Variants in RIT2 observed in about 807,000 individuals in gnomAD.
RIT2 encodes GTP-binding protein Rit2.
A neutral mutation model predicts 23.7 loss-of-function variants in RIT2; 24 were observed. The ratio of observed to expected loss-of-function variants is 1.01; its 90% CI spans 0.73 to 1.43. The LOEUF (loss-of-function observed/expected upper bound fraction) is 1.43. RIT2 is among the 40% of genes most tolerant of loss of function. The pLI is 0.00. For synonymous variants in RIT2, 107 were observed against 91.1 expected, an observed-to-expected ratio of 1.17 and a Z score of -0.99; for missense variants, 236 against 266.9, an observed-to-expected ratio of 0.88 and a Z score of 0.81.
At chr18:42,746,873 C>T (rs2143875774) in intron 4 of RIT2, among the ~76,000 whole-genome samples, 1 of 152,148 alleles carries the variant, frequency 6.6e-6, no homozygotes, top group South Asian at 2.1e-4. Context: ...TTAAAACCCT[C>T]AGAAAAATTG....
intron 2 of RIT2, among the ~76,000 whole-genome samples, chr18:43,016,598 C>T (rs1307902755): frequency 6.6e-6 from 1 of 151,578 alleles, no homozygotes; most frequent in Non-Finnish European, 1.5e-5. Context: ...ATAAGCACAC[C>T]AACTCTAAAT....
chr18:43,101,083 T>C (rs1417187720), intron 1 of RIT2, among the ~76,000 whole-genome samples: 1 of 151,996 alleles, frequency 6.6e-6, no homozygotes, highest in Admixed American at 6.6e-5. Context: ...ATATAAATTC[T>C]AACACGATTC....
chr18:42,837,631 A>G (rs956690290), intron 4 of RIT2, among the ~76,000 whole-genome samples: 5 of 152,160 alleles, frequency 3.3e-5, no homozygotes, highest in African/African-American at 1.2e-4. Flanking sequence ...TTCTCCAATA[A>G]CACAGTTCTT....
intron 4 of RIT2, among the ~76,000 whole-genome samples, chr18:42,887,529 G>A (rs1908054415): frequency 6.6e-6 from 1 of 152,108 alleles, no homozygotes; most frequent in Admixed American, 6.6e-5. Flanking sequence ...GCAGCAACGG[G>A]AATTCTCCTT....
At chr18:43,020,126 AG>A (rs1309927644) in intron 2 of RIT2, among the ~76,000 whole-genome samples, 1 of 152,134 alleles carries the variant, frequency 6.6e-6, no homozygotes, top group Non-Finnish European at 1.5e-5. Context: ...AGCTATCTAC[AG>A]ATTCAATGCA....
At chr18:42,882,044 G>T (rs573326688) in intron 4 of RIT2, among the ~76,000 whole-genome samples, 1 of 152,124 alleles carries the variant, frequency 6.6e-6, no homozygotes, top group Non-Finnish European at 1.5e-5. Context: ...TTTCAAAGTA[G>T]CCTCTGGTTA....
intron 4 of RIT2, among the ~76,000 whole-genome samples, chr18:42,805,319 G>C (rs1385521667): frequency 6.6e-6 from 1 of 152,094 alleles, no homozygotes; most frequent in Non-Finnish European, 1.5e-5. Flanking sequence ...GAGAATTGGA[G>C]CCTGATTACC....
chr18:43,024,301 T>C (rs1911660740), intron 2 of RIT2, among the ~76,000 whole-genome samples: 1 of 151,972 alleles, frequency 6.6e-6, no homozygotes. Context: ...AAACATACAC[T>C]GGAGAAAGGA....
At chr18:42,801,450 C>T (rs1461246974) in intron 4 of RIT2, among the ~76,000 whole-genome samples, 1 of 152,110 alleles carries the variant, frequency 6.6e-6, no homozygotes, top group African/African-American at 2.4e-5. Context: ...CTGGAAATAC[C>T]CTGGGAATAA....
intron 1 of RIT2, among the ~76,000 whole-genome samples, chr18:43,077,848 A>AT (rs889040701): frequency 6.6e-6 from 1 of 152,130 alleles, no homozygotes; most frequent in African/African-American, 2.4e-5. Context: ...AGTATGTAGC[A>AT]TTTTTTTAGG....
intron 2 of RIT2, among the ~76,000 whole-genome samples, chr18:43,021,205 A>G (rs1351114048): frequency 6.6e-6 from 1 of 152,144 alleles, no homozygotes; most frequent in Non-Finnish European, 1.5e-5. Context: ...TAATAATTTC[A>G]TTAACAAATG....
intron 1 of RIT2, among the ~76,000 whole-genome samples, chr18:43,067,611 T>C (rs1361907922): frequency 6.6e-6 from 1 of 152,204 alleles, no homozygotes; most frequent in Non-Finnish European, 1.5e-5. Context: ...TTATTATCAA[T>C]AGAAAGGAAT....
chr18:42,819,944 G>T (rs1906101608), intron 4 of RIT2, among the ~76,000 whole-genome samples: 1 of 152,078 alleles, frequency 6.6e-6, no homozygotes, highest in Non-Finnish European at 1.5e-5. Flanking sequence ...TAAAAGGCCA[G>T]AGCATTTGCA....
intron 4 of RIT2, among the ~76,000 whole-genome samples, chr18:42,830,025 A>G (rs1230814912): frequency 4.6e-5 from 7 of 152,150 alleles, no homozygotes; most frequent in Non-Finnish European, 8.8e-5. Flanking sequence ...GATGAGGAAA[A>G]TAGAGGAATA....
chr18:42,882,949 A>T (rs955957301), intron 4 of RIT2, among the ~76,000 whole-genome samples: 4 of 152,216 alleles, frequency 2.6e-5, no homozygotes, highest in Admixed American at 2.6e-4. Flanking sequence ...AGCATATGTG[A>T]TCATATATTC....
chr18:42,886,224 T>C (rs1333261901), intron 4 of RIT2, among the ~76,000 whole-genome samples: 5 of 152,240 alleles, frequency 3.3e-5, no homozygotes, highest in South Asian at 2.1e-4. Flanking sequence ...ATTTGCTTCC[T>C]ATCAAAAGCA....
intron 1 of RIT2, among the ~76,000 whole-genome samples, chr18:43,065,407 T>G (rs1912749601): frequency 6.6e-6 from 1 of 152,020 alleles, no homozygotes; most frequent in South Asian, 2.1e-4. Context: ...TCATTTTCAC[T>G]TTTTCTAAAC....
intron 1 of RIT2, among the ~76,000 whole-genome samples, chr18:43,090,384 G>C (rs1361651127): frequency 2.0e-5 from 3 of 151,962 alleles, no homozygotes; most frequent in African/African-American, 7.2e-5. Context: ...GAGGCTGTTG[G>C]GGTCGTGGAG....
At chr18:42,913,291 A>T (rs1204616316) in intron 4 of RIT2, among the ~76,000 whole-genome samples, 1 of 151,840 alleles carries the variant, frequency 6.6e-6, no homozygotes, top group Non-Finnish European at 1.5e-5. Context: ...AGAAAAGAAC[A>T]TAAAAGAAAC....
Sources: gnomAD v4.1 joint callset for allele counts (sites outside exome capture counted in the v4.1 genomes callset) on GRCh38, gnomAD v4.1.1 for gene constraint, MANE v1.5 for transcripts, NCBI Gene and HGNC (gene_info 2026-07-23, HGNC 2026-07-21) for gene names.